The following PHLPP1 variants were observed in gnomAD, a reference collection of about 807,000 sequenced individuals.
PHLPP1 encodes the protein PH domain leucine-rich repeat-containing protein phosphatase 1.
A neutral mutation model predicts 117.2 loss-of-function variants in PHLPP1; 42 were observed. That is an observed-to-expected ratio of 0.36 (90% CI 0.28 to 0.46). The LOEUF is 0.46. PHLPP1 is among the 20% of genes least tolerant of loss of function. The probability of loss-of-function intolerance (pLI) is 1.00; values close to 1 mark genes in which losing one functional copy is unlikely to be tolerated. For synonymous variants in PHLPP1, 1,042 were observed against 970.7 expected (o/e 1.07, Z -1.37); for missense variants, 2,084 against 2,241.9 (o/e 0.93, Z 1.42).
chr18:62,891,932 T>C (rs1273909717), intron 4 of PHLPP1, among the ~76,000 whole-genome samples: 1 of 150,426 alleles, frequency 6.6e-6, no homozygotes, highest in African/African-American at 2.4e-5. Flanking sequence ...TATTTTAATG[T>C]ATATTAATTC....
chr18:62,891,671 C>T (rs567115702), intron 4 of PHLPP1, among the ~76,000 whole-genome samples: 2 of 149,896 alleles, frequency 1.3e-5, no homozygotes, highest in Non-Finnish European at 3.0e-5. Context: ...AGGCAGATTG[C>T]TTGAGCCCAG....
chr18:62,716,479 G>A lies in PHLPP1; in HGVS notation c.796G>A (p.Glu266Lys). The A allele has an allele frequency of 1.6e-6, 2 of 1,228,368 alleles. No individual in the cohort carries two copies. The highest frequency in any genetic ancestry group is 2.0e-6 in the Non-Finnish European group (2 of 987,710). 76.1% of individuals were successfully genotyped at this position (1,228,368 alleles called of 1,614,324 possible). ...CCGGGAGCCCGCTGAACCGCCCCCC[G>A]AGGCCGGCCCCCGGCTGGCGCCCCC... ...AAREPAEPPP[E>K]AGPRLAPPEP... Residue 266 changes from glutamate (E) to lysine (K), a missense_variant, in exon 1 of 17, where the codon GAG becomes AAG. By Grantham distance (56) the Glu-to-Lys change is moderately conservative. Transcript: ENST00000262719. The surrounding 1 kb of genome is among the most constrained non-coding windows in gnomAD (Gnocchi z 5.7).
intron 1 of PHLPP1, among the ~76,000 whole-genome samples, chr18:62,737,178 A>G (rs1454566357): frequency 6.6e-6 from 1 of 151,746 alleles, no homozygotes; most frequent in Non-Finnish European, 1.5e-5. Context: ...AGATTCTCTG[A>G]GAAAATGAGA....
chr18:62,726,154 G>A (rs931723644), intron 1 of PHLPP1, among the ~76,000 whole-genome samples: 1 of 152,124 alleles, frequency 6.6e-6, no homozygotes, highest in Admixed American at 6.6e-5. Flanking sequence ...TCTCCATTGA[G>A]TGTGGAGGTA....
intron 4 of PHLPP1, among the ~76,000 whole-genome samples, chr18:62,867,175 C>T (rs1314680005): frequency 1.3e-5 from 2 of 152,156 alleles, no homozygotes; most frequent in African/African-American, 4.8e-5. Context: ...CATCCAAGTC[C>T]TGCTCCCTAG....
chr18:62,796,050 A>C (rs2144295262), intron 1 of PHLPP1, among the ~76,000 whole-genome samples: 1 of 152,308 alleles, frequency 6.6e-6, no homozygotes, highest in South Asian at 2.1e-4. Flanking sequence ...CCATACTCTG[A>C]CCACTTTACT....
rs1911310933 is a variant in PHLPP1, at chr18:62,979,411, T to G, written c.5134T>G (p.Tyr1712Asp). The G allele has an allele frequency of 1.5e-5, 24 of 1,551,414 alleles. No homozygotes were observed. Among genetic ancestry groups the G allele is most frequent in the Non-Finnish European group, 2.1e-5 (24 of 1,146,896 alleles). Residue 1712 changes from tyrosine (Y) to aspartate (D), a missense_variant, in exon 17 of 17, where the codon TAT becomes GAT. By Grantham distance (160) the Tyr-to-Asp change is radical. Transcript: ENST00000262719. Reference protein sequence around the residue: ...RHYQLDQLPDYYDTPL With the variant: ...RHYQLDQLPDDYDTPL The stretch of plus-strand genomic sequence containing the variant: ...CTACCAGCTGGACCAGCTGCCAGAT[T>G]ATTACGACACGCCACTATGACCCAG...
intron 1 of PHLPP1, among the ~76,000 whole-genome samples, chr18:62,806,589 AG>A (rs1913957910): frequency 6.6e-6 from 1 of 152,144 alleles, no homozygotes; most frequent in Non-Finnish European, 1.5e-5. Context: ...TGTACTCCCA[AG>A]GCAAACCATT....
At chr18:62,781,974 A>G (rs1913132423) in intron 1 of PHLPP1, among the ~76,000 whole-genome samples, 1 of 152,168 alleles carries the variant, frequency 6.6e-6, no homozygotes, top group Admixed American at 6.5e-5. Flanking sequence ...CACAAATAAC[A>G]CTTGGTAGCA....
intron 1 of PHLPP1, among the ~76,000 whole-genome samples, chr18:62,767,537 C>T (rs1033595340): frequency 2.6e-5 from 4 of 152,162 alleles, no homozygotes; most frequent in African/African-American, 7.2e-5. Flanking sequence ...AGTTTTTGAG[C>T]GCTTTAAATG....
chr18:62,916,496 C>T (rs1268385065), intron 9 of PHLPP1, among the ~76,000 whole-genome samples: 1 of 151,868 alleles, frequency 6.6e-6, no homozygotes, highest in South Asian at 2.1e-4. Flanking sequence ...TGCAGCAATA[C>T]ATTTTACCTG....
intron 12 of PHLPP1, among the ~76,000 whole-genome samples, chr18:62,945,499 C>T (rs917259747): frequency 1.3e-5 from 2 of 152,200 alleles, no homozygotes; most frequent in African/African-American, 2.4e-5. Context: ...GATTTCTAGG[C>T]TGAGTCCCTC....
At chr18:62,773,898 C>T (rs915594697) in intron 1 of PHLPP1, among the ~76,000 whole-genome samples, 6 of 152,122 alleles carry the variant, frequency 3.9e-5, no homozygotes, top group Non-Finnish European at 5.9e-5. Context: ...TTATAGTTGG[C>T]CATCTTCTCA....
At chr18:62,971,232 C>G (rs1911040760) in intron 14 of PHLPP1, among the ~76,000 whole-genome samples, 1 of 152,100 alleles carries the variant, frequency 6.6e-6, no homozygotes, top group Non-Finnish European at 1.5e-5. Context: ...TAATTTTCTT[C>G]ATATTGGAAA....
At chr18:62,736,959 G>T (rs1911386396) in intron 1 of PHLPP1, among the ~76,000 whole-genome samples, 1 of 152,192 alleles carries the variant, frequency 6.6e-6, no homozygotes, top group South Asian at 2.1e-4. Context: ...GGTATAAAAA[G>T]AATATGTATT....
In PHLPP1 at chr18:62,715,770, GGCA is replaced by G. The variant is rs754224940; in HGVS notation, c.102_104del (p.Ala40del). ...CTTCGGCTCCGGCGGCCGCCGCTGC[GGCA>G]GCAGCAGCAGCAGCGGCGGCCGCGG... On this transcript the variant is annotated inframe_deletion, in exon 1 of 17. Transcript: ENST00000262719. The G allele has an allele frequency of 5.4e-3, 5,139 of 948,144 alleles. 21 individuals carry two copies. The highest frequency in any genetic ancestry group is 6.2e-3 in the Non-Finnish European group (4,777 of 769,476). 58.7% of individuals were successfully genotyped at this position (948,144 alleles called of 1,614,324 possible).
chr18:62,974,496 T>A (rs2144492235), intron 15 of PHLPP1, among the ~76,000 whole-genome samples: 1 of 152,256 alleles, frequency 6.6e-6, no homozygotes, highest in East Asian at 1.9e-4. Context: ...AGGCTGTTTT[T>A]CTTAACTTTC....
At chr18:62,899,565 A>G (rs899040868) in intron 6 of PHLPP1, among the ~76,000 whole-genome samples, 1 of 152,238 alleles carries the variant, frequency 6.6e-6, no homozygotes, top group African/African-American at 2.4e-5. Flanking sequence ...CACTTACCAC[A>G]TACCTGTAGT....
intron 3 of PHLPP1, among the ~76,000 whole-genome samples, chr18:62,858,883 T>C (rs1363719362): frequency 1.3e-5 from 2 of 152,172 alleles, no homozygotes; most frequent in African/African-American, 4.8e-5. Context: ...ATTTATTGAG[T>C]GCTTTTTCTG....
Sources: allele counts gnomAD v4.1 joint callset (sites outside exome capture counted in the v4.1 genomes callset), GRCh38; gene constraint gnomAD v4.1.1; non-coding constraint Gnocchi (gnomAD v3.1); transcripts MANE v1.5; gene names NCBI Gene and HGNC (gene_info 2026-07-23, HGNC 2026-07-21).